The following DPP4 variants were observed in gnomAD, a reference collection of about 807,000 sequenced individuals.
DPP4 encodes the protein dipeptidyl peptidase 4, also known as ADCP-2.
In DPP4, 93 loss-of-function variants were observed where a neutral mutation model predicts 122.4. The observed-to-expected ratio is 0.76, with a 90% CI of 0.64 to 0.90. DPP4 has a LOEUF of 0.90. Among genes scored for constraint, DPP4 ranks in the 40% least tolerant of loss-of-function variants. The pLI is 0.00. For synonymous variants in DPP4, 321 were observed against 302.9 expected, an observed-to-expected ratio of 1.06 and a Z score of -0.62; for missense variants, 914 against 907.3, an observed-to-expected ratio of 1.01 and a Z score of -0.09.
chr2:162,067,653 T>C (rs913134193), intron 2 of DPP4, among the ~76,000 whole-genome samples: 13 of 149,880 alleles, frequency 8.7e-5, no homozygotes, highest in African/African-American at 3.2e-4. Context: ...TATAAAACAA[T>C]ACAATGCTTG....
At chr2:161,999,423 A>G (rs1227513229) in intron 23 of DPP4, among the ~76,000 whole-genome samples, 3 of 152,216 alleles carry the variant, frequency 2.0e-5, no homozygotes, top group Admixed American at 6.5e-5. Context: ...TCTATCACCA[A>G]CTACTAAAAA....
At chr2:162,010,855 T>C (rs1682678717) in intron 20 of DPP4, among the ~76,000 whole-genome samples, 1 of 152,146 alleles carries the variant, frequency 6.6e-6, no homozygotes, top group Admixed American at 6.5e-5. Flanking sequence ...TCATGGATCC[T>C]TCTGCATTTC....
intron 10 of DPP4, among the ~76,000 whole-genome samples, chr2:162,027,219 C>T (rs1051176809): frequency 2.6e-5 from 4 of 151,892 alleles, no homozygotes; most frequent in African/African-American, 9.7e-5. Flanking sequence ...GGTGTGGTGG[C>T]ACACACCTGT....
intron 2 of DPP4, among the ~76,000 whole-genome samples, chr2:162,050,970 A>T (rs1047252535): frequency 1.3e-5 from 2 of 152,198 alleles, no homozygotes; most frequent in African/African-American, 4.8e-5. Flanking sequence ...CATTTGACTT[A>T]TCAGTTCAAA....
In DPP4 at chr2:162,051,769, G is replaced by C. The variant is rs142114381; in HGVS notation, c.95-4268C>G. Among the ~76,000 whole-genome samples the C allele has an allele frequency of 3.7e-4, 57 of 152,344 alleles. 1 individual carries two copies. In the East Asian group the frequency reaches 0.011, roughly 29 times the overall value. ...CATCCTGTGGCTATATTCTCCAGCA[G>C]CACATGCAGGCTGCCACCCATCTCC... On this transcript the variant is annotated intron_variant, in intron 2 of 25. Transcript: ENST00000360534.
chr2:161,997,924 C>A (rs1408065990), intron 23 of DPP4, among the ~76,000 whole-genome samples: 1 of 152,178 alleles, frequency 6.6e-6, no homozygotes, highest in East Asian at 1.9e-4. Flanking sequence ...TGCGTCTCCA[C>A]TAAAATTCCA....
At chr2:162,071,755 A>G (rs1265390038) in intron 2 of DPP4, among the ~76,000 whole-genome samples, 2 of 152,194 alleles carry the variant, frequency 1.3e-5, no homozygotes, top group Admixed American at 1.3e-4. Flanking sequence ...ACCAGGTGCT[A>G]TTTAGCAGAA....
At chr2:162,071,250 C>T (rs1391306354) in intron 2 of DPP4, among the ~76,000 whole-genome samples, 3 of 152,206 alleles carry the variant, frequency 2.0e-5, no homozygotes, top group Admixed American at 1.3e-4. Context: ...GATCTCATGT[C>T]TCTGTGTTGA....
At chr2:162,054,391 C>T (rs1251457270) in intron 2 of DPP4, among the ~76,000 whole-genome samples, 1 of 152,094 alleles carries the variant, frequency 6.6e-6, no homozygotes, top group African/African-American at 2.4e-5. Flanking sequence ...TGAGTTGATG[C>T]TAGAAAAAGT....
chr2:162,018,381 T>C (rs918655071), intron 16 of DPP4, among the ~76,000 whole-genome samples: 1 of 152,200 alleles, frequency 6.6e-6, no homozygotes, highest in Non-Finnish European at 1.5e-5. Context: ...AGTGAGCATG[T>C]TGGGTGACAC....
chr2:162,018,820 T>C lies in DPP4; in HGVS notation c.1329A>G (p.Thr443=), dbSNP rs1683013112. Residue 443 remains threonine (T), a synonymous_variant, in exon 16 of 26, where the codon ACA becomes ACG. Transcript: ENST00000360534. ...CCGGATTCAGCTCACAACTGAGGCATGTCACTTTTGTATAGTCACTAAGTT... is the reference window on the plus strand; with the variant it reads ...CCGGATTCAGCTCACAACTGAGGCACGTCACTTTTGTATAGTCACTAAGTT... ...KIQLSDYTKV[T]CLSCELNPER... The C allele has an allele frequency of 1.2e-6, 2 of 1,614,174 alleles. No individual in the cohort carries two copies. Among genetic ancestry groups the C allele is most frequent in the Non-Finnish European group, 8.5e-7 (1 of 1,180,030 alleles).
At chr2:161,995,097 G>T in intron 24 of DPP4, 63 bp from the exon 25 acceptor site, 1 of 1,557,462 alleles carries the variant, frequency 6.4e-7, no homozygotes, top group Non-Finnish European at 8.9e-7. Flanking sequence ...GGTACCAAGG[G>T]GTGGGAAAGG....
chr2:162,014,549 C>A, intron 18 of DPP4, 84 bp from the exon 19 acceptor site: 2 of 949,260 alleles, frequency 2.1e-6, no homozygotes, highest in South Asian at 1.5e-5. Context: ...AGTAGCAAGT[C>A]ATTTCTAGAG....
chr2:161,995,289 C>A lies in DPP4; in HGVS notation c.2125+11G>T. The A allele has an allele frequency of 1.2e-6, 2 of 1,612,882 alleles. No individual in the cohort carries two copies. Among genetic ancestry groups the A allele is most frequent in the Non-Finnish European group, 1.7e-6 (2 of 1,178,928 alleles). On this transcript the variant is annotated intron_variant, in intron 24 of 25. Coordinates refer to ENST00000360534, the MANE Select transcript of DPP4 (RefSeq NM_001935.4). ...CTGTGATACTAAAAAGTCTAATTAACTGAAACTCACCATCTGCTGTTCCAT... is the reference window on the plus strand; with the variant it reads ...CTGTGATACTAAAAAGTCTAATTAAATGAAACTCACCATCTGCTGTTCCAT...
intron 23 of DPP4, among the ~76,000 whole-genome samples, chr2:162,003,492 G>A (rs1453940209): frequency 1.3e-5 from 2 of 152,126 alleles, no homozygotes; most frequent in African/African-American, 4.8e-5. Flanking sequence ...CTCCTTAGAT[G>A]TCAAGGTTGG....
chr2:162,065,046 A>T (rs572563308), intron 2 of DPP4, among the ~76,000 whole-genome samples: 1 of 152,332 alleles, frequency 6.6e-6, no homozygotes, highest in African/African-American at 2.4e-5. Flanking sequence ...AATTCAACTT[A>T]GGTATTTGCC....
rs1701354859 is a variant in DPP4, at chr2:162,009,141, T to A, written c.1887+100A>T. 3 of 1,250,470 alleles carry A rather than the reference T, an allele frequency of 2.4e-6. No individual in the cohort carries two copies. In the African/African-American group the frequency reaches 4.5e-5, roughly 19 times the overall value. 77.5% of individuals were successfully genotyped at this position (1,250,470 alleles called of 1,614,324 possible). A position where few individuals can be genotyped will look rare whatever the true frequency, so the allele number is the denominator to read the frequency against. On this transcript the variant is annotated intron_variant, in intron 21 of 25. Transcript: ENST00000360534. Reference sequence around the variant, plus strand: ...CCAGAGACCTAAGACTTGATAGATGTGATTTTCACCTCCAAATATGTATAT... The same window carrying A: ...CCAGAGACCTAAGACTTGATAGATGAGATTTTCACCTCCAAATATGTATAT...
At chr2:162,073,644 G>A (rs561618379) in intron 1 of DPP4, 158 bp from the exon 2 acceptor site, 18 of 720,088 alleles carry the variant, frequency 2.5e-5, no homozygotes, top group Middle Eastern at 3.8e-4. Flanking sequence ...TCTGGAGTGC[G>A]CCAGTTGGAG....
At chr2:162,066,245 C>G (rs767729536) in intron 2 of DPP4, among the ~76,000 whole-genome samples, 2 of 151,990 alleles carry the variant, frequency 1.3e-5, no homozygotes, top group Non-Finnish European at 2.9e-5. Context: ...ATACATCCTG[C>G]GTTTCTTTTT....
Sources: allele counts gnomAD v4.1 joint callset (sites outside exome capture counted in the v4.1 genomes callset), GRCh38; gene constraint gnomAD v4.1.1; transcripts MANE v1.5; gene names NCBI Gene and HGNC (gene_info 2026-07-23, HGNC 2026-07-21).